The following GRIK2 variants were observed in gnomAD, a reference collection of about 807,000 sequenced individuals.
GRIK2 encodes the protein glutamate ionotropic receptor kainate type subunit 2.
Under a neutral mutation model 100.3 loss-of-function variants are expected in GRIK2, and 32 were observed. The observed-to-expected ratio is 0.32, with a 90% CI of 0.24 to 0.43. GRIK2 has a LOEUF of 0.43. GRIK2 is among the 20% of genes least tolerant of loss of function. The probability of loss-of-function intolerance (pLI) is 1.00; values close to 1 mark genes in which losing one functional copy is unlikely to be tolerated. For synonymous variants in GRIK2, 417 were observed against 389.4 expected, an observed-to-expected ratio of 1.07 and a Z score of -0.83; for missense variants, 843 against 1,114.9, an observed-to-expected ratio of 0.76 and a Z score of 3.47.
intron 15 of GRIK2, among the ~76,000 whole-genome samples, chr6:102,042,034 T>C (rs771768617): frequency 9.9e-5 from 15 of 151,658 alleles, no homozygotes; most frequent in Non-Finnish European, 1.8e-4. Flanking sequence ...ATTAGATAAC[T>C]ATCATTTTGT....
At chr6:101,571,357 A>T (rs1000915294) in intron 2 of GRIK2, among the ~76,000 whole-genome samples, 1 of 152,112 alleles carries the variant, frequency 6.6e-6, no homozygotes, top group Non-Finnish European at 1.5e-5. Context: ...GATTAGTAAC[A>T]TAAAAAAAGA....
At chr6:101,727,403 CA>C (rs932181910) in intron 7 of GRIK2, among the ~76,000 whole-genome samples, 3 of 151,974 alleles carry the variant, frequency 2.0e-5, no homozygotes, top group Admixed American at 2.0e-4. Flanking sequence ...GTACTTTAAA[CA>C]ATAAATTATT....
At chr6:101,653,672 G>T (rs1384691337) in intron 4 of GRIK2, among the ~76,000 whole-genome samples, 1 of 151,660 alleles carries the variant, frequency 6.6e-6, no homozygotes, top group African/African-American at 2.4e-5. Context: ...GCCCAGGCTG[G>T]AGTACAGTGG....
At chr6:101,695,966 T>G (rs1005287492) in intron 7 of GRIK2, among the ~76,000 whole-genome samples, 2 of 152,088 alleles carry the variant, frequency 1.3e-5, no homozygotes, top group African/African-American at 4.8e-5. Flanking sequence ...TTTTTGCATA[T>G]GGCTTTTGCA....
chr6:101,435,807 C>A lies in GRIK2; in HGVS notation c.115+36415C>A, dbSNP rs181515678. Among the ~76,000 whole-genome samples, 9 of 152,114 alleles carry A rather than the reference C, an allele frequency of 5.9e-5. No individual in the cohort carries two copies. In the South Asian group the frequency reaches 1.7e-3, roughly 28 times the overall value. On this transcript the variant is annotated intron_variant, in intron 2 of 16. Transcript: ENST00000369134. ...TCTTAGATTTGTCTTTGACTTTTTT[C>A]TTCCCTTACTTCTCAAGTTTAATCA...
At chr6:101,989,364 C>T (rs913815277) in intron 14 of GRIK2, among the ~76,000 whole-genome samples, 33 of 151,640 alleles carry the variant, frequency 2.2e-4, no homozygotes, top group Admixed American at 4.6e-4. Flanking sequence ...TCTTACTGTA[C>T]GAAAGGTATT....
chr6:101,498,810 T>C (rs574983376), intron 2 of GRIK2, among the ~76,000 whole-genome samples: 65 of 152,272 alleles, frequency 4.3e-4, no homozygotes, highest in African/African-American at 1.5e-3. Context: ...GTCTCCCATT[T>C]TGTAGGTTGC....
intron 15 of GRIK2, among the ~76,000 whole-genome samples, chr6:102,050,664 A>C (rs1771126942): frequency 6.6e-6 from 1 of 151,494 alleles, no homozygotes; most frequent in South Asian, 2.1e-4. Flanking sequence ...AAAAAAAAAA[A>C]AAACGGAATA....
chr6:101,825,925 C>A (rs116113168), intron 10 of GRIK2, among the ~76,000 whole-genome samples: 3,695 of 152,154 alleles, frequency 0.024, 163 homozygotes, highest in African/African-American at 0.084. Flanking sequence ...TGTAAATTTG[C>A]AATTACTTAC....
intron 2 of GRIK2, among the ~76,000 whole-genome samples, chr6:101,553,107 C>G (rs1430331638): frequency 6.6e-6 from 1 of 152,084 alleles, no homozygotes; most frequent in Non-Finnish European, 1.5e-5. Flanking sequence ...CTTTAAGAAG[C>G]TCACATTTTT....
chr6:102,001,633 T>A (rs1794947120), intron 14 of GRIK2, among the ~76,000 whole-genome samples: 1 of 152,114 alleles, frequency 6.6e-6, no homozygotes, highest in Admixed American at 6.6e-5. Context: ...TGGTTCCAAG[T>A]CTTTGCCATT....
chr6:101,815,597 G>A (rs893024440), intron 9 of GRIK2, among the ~76,000 whole-genome samples: 1 of 148,896 alleles, frequency 6.7e-6, no homozygotes, highest in Non-Finnish European at 1.5e-5. Context: ...CAGTGCTTAA[G>A]CATCTTAATT....
intron 4 of GRIK2, among the ~76,000 whole-genome samples, chr6:101,652,271 C>G (rs543611282): frequency 1.3e-5 from 2 of 152,084 alleles, no homozygotes; most frequent in Non-Finnish European, 2.9e-5. Context: ...AGGTGGAGCC[C>G]TCATGAATGG....
intron 7 of GRIK2, among the ~76,000 whole-genome samples, chr6:101,752,418 C>A (rs576844375): frequency 6.6e-6 from 1 of 152,272 alleles, no homozygotes; most frequent in African/African-American, 2.4e-5. Flanking sequence ...GGAATTGTTA[C>A]ATCAAAACTG....
chr6:101,686,309 G>T lies in GRIK2; in HGVS notation c.907G>T (p.Ala303Ser). 6.2e-7 allele frequency: 1 copy of T among 1,613,432 alleles called. No individual in the cohort carries two copies. Among genetic ancestry groups the T allele is most frequent in the Non-Finnish European group, 8.5e-7 (1 of 1,179,534 alleles). The change falls in exon 7 of 17, where the codon GCA becomes TCA. Residue 303 changes from alanine to serine, a missense_variant. Physicochemically the swap from Ala to Ser is moderately conservative, Grantham distance 99. Transcript: ENST00000369134. The part of the protein sequence containing the change: ...IEKWSMERLQ[A>S]PPKPDSGLLD... ...AAAGTGGTCGATGGAACGATTGCAG[G>T]CACCTCCGAAACCCGATTCAGGTTT... is the stretch of plus-strand genomic sequence containing the variant.
chr6:101,577,981 C>T (rs1484567024), intron 2 of GRIK2, among the ~76,000 whole-genome samples: 1 of 152,122 alleles, frequency 6.6e-6, no homozygotes, highest in Non-Finnish European at 1.5e-5. Flanking sequence ...TGGCTCCCAG[C>T]ATGCACTGGC....
chr6:102,028,430 C>T (rs1035931790), intron 14 of GRIK2, among the ~76,000 whole-genome samples: 2 of 151,080 alleles, frequency 1.3e-5, no homozygotes, highest in African/African-American at 4.8e-5. Context: ...ATAAAATAAA[C>T]ATTGCTAAAC....
At chr6:101,425,735 C>G (rs1776667604) in intron 2 of GRIK2, among the ~76,000 whole-genome samples, 1 of 152,124 alleles carries the variant, frequency 6.6e-6, no homozygotes. Context: ...TTTCCTAGAC[C>G]TTTAAAATCT....
chr6:101,483,867 G>T (rs1176072171), intron 2 of GRIK2, among the ~76,000 whole-genome samples: 1 of 152,212 alleles, frequency 6.6e-6, no homozygotes, highest in African/African-American at 2.4e-5. Flanking sequence ...ACCATGCCCG[G>T]ACCCTGTGTT....
Sources: gnomAD v4.1 joint callset for allele counts (sites outside exome capture counted in the v4.1 genomes callset) on GRCh38, gnomAD v4.1.1 for gene constraint, MANE v1.5 for transcripts, NCBI Gene and HGNC (gene_info 2026-07-23, HGNC 2026-07-21) for gene names.